Variants in PPP1R21 observed in about 807,000 individuals in gnomAD.
PPP1R21 encodes protein phosphatase 1 regulatory subunit 21.
In PPP1R21, 85 loss-of-function variants were observed where a neutral mutation model predicts 112.8. The ratio of observed to expected loss-of-function variants is 0.75; its 90% CI spans 0.63 to 0.90. The LOEUF is 0.90. Ranked by LOEUF, PPP1R21 falls within the 40% of genes least tolerant of loss-of-function variation. The pLI, the probability that PPP1R21 is intolerant of heterozygous loss-of-function variation, is 0.00. For missense variants in PPP1R21, 1,199 were observed against 901.5 expected, an observed-to-expected ratio of 1.33 and a Z score of -4.23; for synonymous variants, 381 against 322.3, an observed-to-expected ratio of 1.18 and a Z score of -1.95.
chr2:48,507,232 G>C, intron 18 of PPP1R21, 37 bp from the exon 19 acceptor site: 2 of 1,445,000 alleles, frequency 1.4e-6, no homozygotes, highest in African/African-American at 1.5e-5. Flanking sequence ...CATCTCACTG[G>C]TACTTGTTTA....
At position 48,455,404 on chromosome 2, in the gene PPP1R21, A is replaced by C. The variant is rs1371403186; in HGVS notation, c.273+663A>C. On this transcript the variant is annotated intron_variant, in intron 3 of 21. Transcript: ENST00000294952. ...GTGGTCTGCTCGCCTCAGCCTCCCA[A>C]AGTGCTGGGATTACAGGCCTGAGCC... Among the ~76,000 whole-genome samples the C allele has an allele frequency of 2.0e-5, 3 of 150,722 alleles. No individual in the cohort carries two copies. In the East Asian group the frequency reaches 6.0e-4, roughly 30 times the overall value.
intron 16 of PPP1R21, among the ~76,000 whole-genome samples, chr2:48,496,522 C>T (rs1669844435): frequency 6.7e-6 from 1 of 148,652 alleles, no homozygotes; most frequent in South Asian, 2.1e-4. Flanking sequence ...GGCTGGAGTG[C>T]AGTGTTGTGA....
intron 17 of PPP1R21, among the ~76,000 whole-genome samples, 174 bp downstream of exon 17, chr2:48,498,909 C>A (rs1266108081): frequency 6.6e-6 from 1 of 152,090 alleles, no homozygotes; most frequent in Middle Eastern, 3.2e-3. Flanking sequence ...GAGGCTGGGA[C>A]GTTCAGGATT....
Position 48,469,492 on chromosome 2 carries a change from T to TAC in PPP1R21, c.898-1594_898-1593insCA, listed in dbSNP as rs1374355184. On this transcript the variant is annotated intron_variant, in intron 9 of 21. Coordinates refer to ENST00000294952, the MANE Select transcript of PPP1R21 (RefSeq NM_001135629.3). ...AGCATATATATATATATAGAGCATA[T>TAC]ATATATATATATAGAGCATATATAT... 1.1e-4 allele frequency among the ~76,000 whole-genome samples: 5 copies of TAC among 45,350 alleles called. 1 individual carries two copies. Among genetic ancestry groups the TAC allele is most frequent in the African/African-American group, 5.1e-4 (4 of 7,882 alleles). 29.8% of individuals were successfully genotyped at this position (45,350 alleles called of 152,430 possible). A position where few individuals can be genotyped will look rare whatever the true frequency, so the allele number is the denominator to read the frequency against.
chr2:48,457,404 A>G (rs1372347858), intron 3 of PPP1R21, among the ~76,000 whole-genome samples: 1 of 152,224 alleles, frequency 6.6e-6, no homozygotes, highest in Non-Finnish European at 1.5e-5. Context: ...AGACTACAAA[A>G]AAAGCAGAGA....
At chr2:48,477,116 A>ATTTTTTTTTTT (rs779139882) in intron 12 of PPP1R21, among the ~76,000 whole-genome samples, 1 of 114,768 alleles carries the variant, frequency 8.7e-6, no homozygotes, top group Non-Finnish European at 1.8e-5. Context: ...TTTTGAATTA[A>ATTTTTTTTTTT]TTTTTTTTTT....
chr2:48,462,010 C>T (rs1667999395), intron 7 of PPP1R21, among the ~76,000 whole-genome samples: 2 of 152,096 alleles, frequency 1.3e-5, no homozygotes, highest in East Asian at 1.9e-4. Context: ...ATTTAAATTC[C>T]CCTTTGAAAA....
At chr2:48,441,059 G>A in intron 1 of PPP1R21, 49 bp downstream of exon 1, 1 of 1,387,180 alleles carries the variant, frequency 7.2e-7, no homozygotes, top group Middle Eastern at 1.8e-4. Context: ...TGCGGCCTCA[G>A]GTTGCCGTGG....
chr2:48,469,529 T>G (rs62137059), intron 9 of PPP1R21, among the ~76,000 whole-genome samples: 34,594 of 60,180 alleles, frequency 0.57, 12,134 homozygotes, highest in Middle Eastern at 0.85. Context: ...TATATATATA[T>G]ATATATAGAG....
At chr2:48,490,988 A>G (rs948002697) in intron 14 of PPP1R21, 30 bp from the exon 15 acceptor site, 3 of 1,604,616 alleles carry the variant, frequency 1.9e-6, no homozygotes, top group Non-Finnish European at 2.6e-6. Flanking sequence ...TTGGAAAACA[A>G]AATCTATTTC....
rs1667893005 is a variant in PPP1R21, at chr2:48,459,758, T to C, written c.380T>C (p.Phe127Ser). Residue 127 changes from phenylalanine to serine, a missense_variant, in exon 5 of 22, where the codon TTT becomes TCT. Phe to Ser is a radical substitution (Grantham distance 155). Coordinates refer to ENST00000294952, the MANE Select transcript of PPP1R21 (RefSeq NM_001135629.3). ...AAAATGGTCTTCTCTTTTTAGTTTT[T>C]TGAAGCTGATGAGCAGCACAAGCAT... Reference protein sequence around the residue: ...EENERLHIQFFEADEQHKHVE... With the variant: ...EENERLHIQFSEADEQHKHVE... 3 of 1,608,646 alleles carry C rather than the reference T, an allele frequency of 1.9e-6. No individual in the cohort carries two copies. The highest frequency in any genetic ancestry group is 2.5e-6 in the Non-Finnish European group (3 of 1,178,594).
At chr2:48,442,424 G>A (rs1667071119) in intron 1 of PPP1R21, among the ~76,000 whole-genome samples, 1 of 152,156 alleles carries the variant, frequency 6.6e-6, no homozygotes, top group African/African-American at 2.4e-5. Flanking sequence ...TTTGAGTAGG[G>A]ACTACATTGC....
chr2:48,491,273 G>A (rs535979246), intron 15 of PPP1R21, 103 bp downstream of exon 15: 25 of 1,265,358 alleles, frequency 2.0e-5, no homozygotes, highest in African/African-American at 1.2e-4. Context: ...CTTTTTATAC[G>A]ATATTGGGGT....
chr2:48,494,388 C>A (rs1421514373), intron 15 of PPP1R21, among the ~76,000 whole-genome samples: 1 of 150,680 alleles, frequency 6.6e-6, no homozygotes, highest in Non-Finnish European at 1.5e-5. Context: ...TTGGGCAAGT[C>A]ATCTAACATA....
intron 14 of PPP1R21, among the ~76,000 whole-genome samples, chr2:48,490,741 A>G (rs925298241): frequency 1.3e-5 from 2 of 152,232 alleles, no homozygotes; most frequent in African/African-American, 4.8e-5. Context: ...TACAGAATAA[A>G]TGAGTATCAG....
intron 15 of PPP1R21, among the ~76,000 whole-genome samples, chr2:48,493,302 G>A (rs151156566): frequency 1.4e-4 from 22 of 152,226 alleles, no homozygotes; most frequent in African/African-American, 4.8e-4. Context: ...ACTGCGCCCG[G>A]CCTTACCTAT....
intron 7 of PPP1R21, among the ~76,000 whole-genome samples, chr2:48,464,609 G>A (rs533489047): frequency 3.4e-3 from 523 of 152,226 alleles, no homozygotes; most frequent in African/African-American, 0.012. Flanking sequence ...ATTTTAGAAG[G>A]GAGAATGACT....
Position 48,510,017 on chromosome 2 carries a change from C to A in PPP1R21, c.2088C>A (p.Cys696Ter). Residue 696 changes from cysteine (C) to a stop codon, truncating the protein, a stop_gained and splice_region_variant, in exon 20 of 22, where the codon TGC becomes TGA. Transcript: ENST00000294952. LOFTEE classifies it high-confidence loss of function. ...DSKSVHFYAECRALSKRLALA... is the reference protein window; with the variant it reads ...DSKSVHFYAE Reference sequence around the variant, plus strand: ...TGGAATGTTTTCTGATTTTACAGTGCCGAGCACTGTCTAAAAGACTGGCCT... The same window carrying A: ...TGGAATGTTTTCTGATTTTACAGTGACGAGCACTGTCTAAAAGACTGGCCT... 1 of 1,611,618 alleles carries A rather than the reference C, an allele frequency of 6.2e-7. No homozygotes were observed.
intron 14 of PPP1R21, among the ~76,000 whole-genome samples, chr2:48,488,132 G>T (rs1194322148): frequency 2.0e-5 from 3 of 152,124 alleles, no homozygotes; most frequent in African/African-American, 7.2e-5. Context: ...CTGGCTTTGT[G>T]ACCACTTGCT....
Sources: gnomAD v4.1 joint callset for allele counts (sites outside exome capture counted in the v4.1 genomes callset) on GRCh38, gnomAD v4.1.1 for gene constraint, MANE v1.5 for transcripts, NCBI Gene and HGNC (gene_info 2026-07-23, HGNC 2026-07-21) for gene names.